Variants in RBFOX3 observed in about 807,000 individuals in gnomAD.
The protein encoded by RBFOX3 is RNA binding fox-1 homolog 3.
Under a neutral mutation model 48.7 loss-of-function variants are expected in RBFOX3, and 17 were observed. The ratio of observed to expected loss-of-function variants is 0.35; its 90% CI spans 0.24 to 0.52. The LOEUF (loss-of-function observed/expected upper bound fraction) is 0.52. Among genes scored for constraint, RBFOX3 ranks in the 20% least tolerant of loss-of-function variants. The pLI, the probability that RBFOX3 is intolerant of heterozygous loss-of-function variation, is 0.94. For synonymous variants in RBFOX3, 212 were observed against 209.5 expected (o/e 1.01, Z -0.10); for missense variants, 382 against 497.5 (o/e 0.77, Z 2.21).
At chr17:79,130,308 C>T (rs2038510851) in intron 4 of RBFOX3, among the ~76,000 whole-genome samples, 1 of 152,200 alleles carries the variant, frequency 6.6e-6, no homozygotes, top group African/African-American at 2.4e-5. Flanking sequence ...GAGCCTGCCC[C>T]CGCCCCTCAG....
chr17:79,178,432 T>C (rs2612763), intron 4 of RBFOX3, among the ~76,000 whole-genome samples: 152,018 of 152,342 alleles, frequency 1, 75,849 homozygotes, highest in Middle Eastern at 1. Context: ...CAGAACTTCC[T>C]GAATCTTCGT....
chr17:79,372,089 A>T (rs904078647), intron 2 of RBFOX3, among the ~76,000 whole-genome samples: 2 of 151,938 alleles, frequency 1.3e-5, no homozygotes, highest in Admixed American at 6.6e-5. Flanking sequence ...CACCCTCTAA[A>T]CGCCAGTAAC....
chr17:79,469,331 C>A (rs2076770485), intron 2 of RBFOX3, among the ~76,000 whole-genome samples: 1 of 152,328 alleles, frequency 6.6e-6, no homozygotes, highest in Admixed American at 6.5e-5. Context: ...CATCTCCCTG[C>A]AGCAGCACTG....
chr17:79,543,093 T>G (rs1053639612), intron 1 of RBFOX3, among the ~76,000 whole-genome samples: 1 of 151,992 alleles, frequency 6.6e-6, no homozygotes, highest in African/African-American at 2.4e-5. Context: ...AGACAACCAT[T>G]TGGCCACATG....
At chr17:79,633,860 G>A in the RBFOX3 span, among the ~76,000 whole-genome samples, 3 of 152,138 alleles carry the variant, frequency 2.0e-5, no homozygotes, top group African/African-American at 7.2e-5. Context: ...ACAAAACCCT[G>A]AGACAAACTC....
At chr17:79,652,167 T>A in the RBFOX3 span, among the ~76,000 whole-genome samples, 2 of 152,116 alleles carry the variant, frequency 1.3e-5, no homozygotes, top group Non-Finnish European at 2.9e-5. Flanking sequence ...ATTTGTGACA[T>A]AGTAATAGAT....
Position 79,413,906 on chromosome 17 carries a change from G to A in RBFOX3, c.-175+68548C>T, listed in dbSNP as rs181145656. Reference sequence around the variant, plus strand: ...TGGTCCCTACCAGCCTCATACAGGCGGGTAGTGGTGCCCTAGGCAGGTGGC... The same window carrying A: ...TGGTCCCTACCAGCCTCATACAGGCAGGTAGTGGTGCCCTAGGCAGGTGGC... On this transcript the variant is annotated intron_variant, in intron 2 of 14. Transcript: ENST00000693108. Among the ~76,000 whole-genome samples, 7 of 152,252 alleles carry A rather than the reference G, an allele frequency of 4.6e-5. No individual in the cohort carries two copies. The East Asian group carries it at 9.7e-4, about 21-fold the overall frequency.
intron 2 of RBFOX3, among the ~76,000 whole-genome samples, chr17:79,312,286 G>A (rs372291999): frequency 7.3e-4 from 105 of 143,114 alleles, no homozygotes; most frequent in Middle Eastern, 3.6e-3. Context: ...AGCAGATTAA[G>A]AAAAAAAAAA....
At chr17:79,120,557 G>A (rs2035419512) in intron 4 of RBFOX3, among the ~76,000 whole-genome samples, 1 of 151,702 alleles carries the variant, frequency 6.6e-6, no homozygotes, top group African/African-American at 2.4e-5. Context: ...ATGGATGAAT[G>A]GATGGGTAGA....
At chr17:79,182,327 C>A (rs527273774) in intron 4 of RBFOX3, among the ~76,000 whole-genome samples, 1 of 152,298 alleles carries the variant, frequency 6.6e-6, no homozygotes, top group Admixed American at 6.5e-5. Context: ...GCCACAGCGC[C>A]AGGAGGAAGA....
At chr17:79,510,653 G>T (rs991231098) in intron 1 of RBFOX3, among the ~76,000 whole-genome samples, 5 of 152,182 alleles carry the variant, frequency 3.3e-5, no homozygotes, top group Non-Finnish European at 5.9e-5. Context: ...GAATGCCTGC[G>T]CTCACCTCAG....
In RBFOX3 at chr17:79,243,518, A is replaced by G. The variant is rs2062705717; in HGVS notation, c.-73-7713T>C. Among the ~76,000 whole-genome samples the G allele has an allele frequency of 6.6e-6, 1 of 152,082 alleles. No individual in the cohort carries two copies. Among genetic ancestry groups the G allele is most frequent in the Non-Finnish European group, 1.5e-5 (1 of 68,016 alleles). Reference sequence around the variant, plus strand: ...CATTTGGGACTGTGGAGTCGACCACAGTCAATTGCTTGGGTGATATATTAG... The same window carrying G: ...CATTTGGGACTGTGGAGTCGACCACGGTCAATTGCTTGGGTGATATATTAG... On this transcript the variant is annotated intron_variant, in intron 3 of 14. Coordinates refer to ENST00000693108, the MANE Select transcript of RBFOX3 (RefSeq NM_001350451.2). The surrounding 1 kb of genome is among the most constrained non-coding windows in gnomAD (Gnocchi z 7.9).
intron 4 of RBFOX3, among the ~76,000 whole-genome samples, chr17:79,206,561 T>G (rs1567840373): frequency 6.6e-6 from 1 of 152,056 alleles, no homozygotes; most frequent in Non-Finnish European, 1.5e-5. Flanking sequence ...ATGCCTCCTG[T>G]GTCCACCTTG....
intron 4 of RBFOX3, among the ~76,000 whole-genome samples, chr17:79,192,099 G>T (rs896844442): frequency 6.6e-6 from 1 of 152,122 alleles, no homozygotes; most frequent in African/African-American, 2.4e-5. Context: ...CCTCCCTCTT[G>T]ATCCTGGGAG....
At chr17:79,373,006 G>A (rs114964920) in intron 2 of RBFOX3, among the ~76,000 whole-genome samples, 1,583 of 152,296 alleles carry the variant, frequency 0.01, 19 homozygotes, top group African/African-American at 0.035. Flanking sequence ...CAGGGTGGAT[G>A]GGGCCGGCCC....
intron 1 of RBFOX3, among the ~76,000 whole-genome samples, chr17:79,516,929 A>G (rs895450237): frequency 6.6e-6 from 1 of 151,872 alleles, no homozygotes; most frequent in Non-Finnish European, 1.5e-5. Context: ...GGGGAGTCAT[A>G]CTCGTAGACA....
intron 2 of RBFOX3, among the ~76,000 whole-genome samples, chr17:79,353,279 A>T (rs1044591890): frequency 6.6e-6 from 1 of 152,088 alleles, no homozygotes; most frequent in African/African-American, 2.4e-5. Context: ...GGCTGGGAGC[A>T]CTGCCCTCCC....
At chr17:79,191,576 C>A (rs1314236102) in intron 4 of RBFOX3, among the ~76,000 whole-genome samples, 1 of 152,204 alleles carries the variant, frequency 6.6e-6, no homozygotes, top group Non-Finnish European at 1.5e-5. Context: ...GAGGCCGATG[C>A]ACTGCTAGGC....
At chr17:79,145,364 G>A (rs560922548) in intron 4 of RBFOX3, among the ~76,000 whole-genome samples, 1 of 152,344 alleles carries the variant, frequency 6.6e-6, no homozygotes, top group East Asian at 1.9e-4. Context: ...CCCTGAAATT[G>A]CCTTGGAAGC....
Sources: allele counts gnomAD v4.1 joint callset (sites outside exome capture counted in the v4.1 genomes callset), GRCh38; gene constraint gnomAD v4.1.1; non-coding constraint Gnocchi (gnomAD v3.1); transcripts MANE v1.5; gene names NCBI Gene and HGNC (gene_info 2026-07-23, HGNC 2026-07-21).